CPEB2: variants seen among roughly 807,000 people sequenced by gnomAD.
CPEB2 encodes the protein cytoplasmic polyadenylation element-binding protein 2.
Under a neutral mutation model 93.6 loss-of-function variants are expected in CPEB2, and 56 were observed. The observed-to-expected ratio is 0.60, with a 90% CI of 0.48 to 0.75. The LOEUF is 0.75. Ranked by LOEUF, CPEB2 falls within the 30% of genes least tolerant of loss-of-function variation. The pLI is 0.00. For synonymous variants in CPEB2, 764 were observed against 586.3 expected (o/e 1.30, Z -4.38); for missense variants, 1,579 against 1,395.1 (o/e 1.13, Z -2.10).
rs1722446442 is a variant in CPEB2 at position 15,004,147 on chromosome 4, T to C, written c.1474T>C (p.Phe492Leu). 1.4e-6 allele frequency: 1 copy of C among 689,996 alleles called. No homozygotes were observed. Among genetic ancestry groups the C allele is most frequent in the Non-Finnish European group, 2.2e-6 (1 of 460,754 alleles). 42.7% of individuals were successfully genotyped at this position (689,996 alleles called of 1,614,324 possible). A position where few individuals can be genotyped will look rare whatever the true frequency, so the allele number is the denominator to read the frequency against. The change falls in exon 1 of 12, where the codon TTC (phenylalanine) becomes CTC (leucine). Residue 492 changes from phenylalanine to leucine, a missense_variant. Physicochemically the swap from Phe to Leu is conservative, Grantham distance 22. Around this residue, in one of 2 missense-constraint regions of CPEB2, gnomAD observed 1,411 missense variants for 1,056.0 expected, o/e 1.34. Coordinates refer to ENST00000538197, the MANE Select transcript of CPEB2 (RefSeq NM_001177382.2). ...GGGGGGFGGP[F>L]SATAVPPPPP... ...CGGCGGCGGCGGCTTCGGCGGCCCC[T>C]TCTCGGCTACCGCTGTGCCCCCTCC...
At position 15,003,542 on chromosome 4, in the gene CPEB2, A is replaced by G. The variant is rs1479321704; in HGVS notation, c.869A>G (p.Glu290Gly). The G allele has an allele frequency of 7.6e-6, 11 of 1,449,572 alleles. No individual in the cohort carries two copies. The highest frequency in any genetic ancestry group is 1.0e-5 in the Non-Finnish European group (11 of 1,103,262). The allele number at this position is 1,449,572 out of a possible 1,614,324, so 89.8% of individuals were successfully genotyped here. ...CCTCGCAAGACCCCAGCCGCGGGCG[A>G]GGGCAGCGCCGCCGAGTCCCCCAAT... ...GSPRKTPAAG[E>G]GSAAESPNAG... Residue 290 changes from glutamate to glycine, a missense_variant, in exon 1 of 12, where the codon GAG (glutamate) becomes GGG (glycine). Physicochemically the swap from Glu to Gly is moderately conservative, Grantham distance 98. This residue lies in a region of CPEB2 where 1,411 missense variants were observed against 1,056.0 expected (regional missense o/e 1.34). Transcript: ENST00000538197.
At chr4:15,040,658 G>A (rs1727082612) in intron 6 of CPEB2, among the ~76,000 whole-genome samples, 171 bp downstream of exon 6, 1 of 152,022 alleles carries the variant, frequency 6.6e-6, no homozygotes, top group South Asian at 2.1e-4. Context: ...CCTTTGAACT[G>A]TATTTTTATA....
Position 15,066,641 on chromosome 4 carries a change from A to C in CPEB2, c.*261A>C. 2.2e-6 allele frequency: 1 copy of C among 454,552 alleles called. No homozygotes were observed. The highest frequency in any genetic ancestry group is 3.8e-5 in the East Asian group (1 of 26,014). The allele number at this position is 454,552 out of a possible 1,614,324, so 28.2% of individuals were successfully genotyped here. ...TTTGTATTTTCTCCAAGTTATTTTT[A>C]TATGTAAAGTTAAAATTAGATATGA... On this transcript the variant is annotated 3_prime_UTR_variant, in exon 12 of 12. Coordinates refer to ENST00000538197, the MANE Select transcript of CPEB2 (RefSeq NM_001177382.2).
chr4:15,002,654 C>T lies in CPEB2; in HGVS notation c.-20C>T, dbSNP rs1722100708. ...GCAGGGGACGAGGAGCGTCTCCTCC[C>T]GCTGCCGGCGGCCTGATAAATGAGG... On this transcript the variant is annotated 5_prime_UTR_variant, in exon 1 of 12. Transcript: ENST00000538197. The T allele has an allele frequency of 1.4e-6, 2 of 1,480,122 alleles. No individual in the cohort carries two copies. Among genetic ancestry groups the T allele is most frequent in the East Asian group, 2.6e-5 (1 of 38,576 alleles). The allele number at this position is 1,480,122 out of a possible 1,614,324, so 91.7% of individuals were successfully genotyped here.
rs1456320598 is a variant in CPEB2 at position 15,003,655 on chromosome 4, C to T, written c.982C>T (p.Leu328Phe). 2 of 1,476,072 alleles carry T rather than the reference C, an allele frequency of 1.4e-6. No individual in the cohort carries two copies. Among genetic ancestry groups the T allele is most frequent in the African/African-American group, 1.5e-5 (1 of 68,568 alleles). 91.4% of individuals were successfully genotyped at this position (1,476,072 alleles called of 1,614,324 possible). The change falls in exon 1 of 12, where the codon CTC (leucine) becomes TTC (phenylalanine). Residue 328 changes from leucine (L) to phenylalanine (F), a missense_variant. Around this residue, in one of 2 missense-constraint regions of CPEB2, gnomAD observed 1,411 missense variants for 1,056.0 expected, o/e 1.34. Coordinates refer to ENST00000538197, the MANE Select transcript of CPEB2 (RefSeq NM_001177382.2). ...CCCTCTGCTCAACAGTCCCAGTAAC[C>T]TCCTGCCCGGAGGTGCGCTTGGCGC... ...NHPLLNSPSNLLPGGALGAGA... is the reference protein window; with the variant it reads ...NHPLLNSPSNFLPGGALGAGA...
intron 3 of CPEB2, among the ~76,000 whole-genome samples, chr4:15,011,261 C>T (rs548890807): frequency 1.1e-4 from 17 of 151,822 alleles, no homozygotes; most frequent in African/African-American, 3.6e-4. Flanking sequence ...CCACCATACC[C>T]GCCTAATTTT....
rs781025186 is a variant in CPEB2, at chr4:15,068,291, A to G, written c.*1911A>G. 2.6e-5 allele frequency: 4 copies of G among 152,316 alleles called. No homozygotes were observed. Among genetic ancestry groups the G allele is most frequent in the Non-Finnish European group, 5.9e-5 (4 of 67,884 alleles). 9.4% of individuals were successfully genotyped at this position (152,316 alleles called of 1,614,324 possible). ...GCTGTTTTATTGTGGTTGTGGTTCA[A>G]GTTTTTAATGTTTAAAGTTGATGCT... On this transcript the variant is annotated 3_prime_UTR_variant, in exon 12 of 12. Transcript: ENST00000538197.
intron 11 of CPEB2, among the ~76,000 whole-genome samples, chr4:15,063,261 T>G (rs1180326121): frequency 1.3e-5 from 2 of 151,842 alleles, no homozygotes; most frequent in African/African-American, 2.4e-5. Context: ...TAGTCCTCAA[T>G]GTAATTACCC....
intron 4 of CPEB2, 101 bp downstream of exon 4, chr4:15,017,379 A>G (rs1724292675): frequency 1.9e-6 from 1 of 527,758 alleles, no homozygotes; most frequent in Non-Finnish European, 3.3e-6. Flanking sequence ...ACCTATATCC[A>G]ATATAAAACT....
rs1308701438 is a variant in CPEB2, at chr4:15,066,392, T to C, written c.*12T>C. The C allele has an allele frequency of 1.3e-6, 2 of 1,566,432 alleles. No individual in the cohort carries two copies. Among genetic ancestry groups the C allele is most frequent in the Admixed American group, 1.9e-5 (1 of 53,578 alleles). On this transcript the variant is annotated 3_prime_UTR_variant, in exon 12 of 12. Transcript: ENST00000538197. ...TCCGCTGGAACTAAGAATAGCAAAC[T>C]GGCCTCTGTTTAACAAGGAAAGAAA...
intron 4 of CPEB2, among the ~76,000 whole-genome samples, chr4:15,021,640 C>T (rs900314921): frequency 6.6e-6 from 1 of 151,978 alleles, no homozygotes; most frequent in Non-Finnish European, 1.5e-5. Flanking sequence ...GTTTATGTAA[C>T]GGTTTGGGGG....
chr4:15,038,731 G>A (rs1463560903), intron 5 of CPEB2, among the ~76,000 whole-genome samples: 1 of 152,034 alleles, frequency 6.6e-6, no homozygotes, highest in African/African-American at 2.4e-5. Context: ...TGGGACTACA[G>A]GTGCCTGCCA....
intron 8 of CPEB2, among the ~76,000 whole-genome samples, chr4:15,056,048 G>A (rs1354154128): frequency 6.6e-6 from 1 of 152,130 alleles, no homozygotes; most frequent in Non-Finnish European, 1.5e-5. Flanking sequence ...TTAAACATTT[G>A]TAATTATTTT....
intron 7 of CPEB2, among the ~76,000 whole-genome samples, chr4:15,053,039 T>C (rs1187708966): frequency 6.6e-6 from 1 of 151,448 alleles, no homozygotes; most frequent in Non-Finnish European, 1.5e-5. Flanking sequence ...TTTTTTGAGG[T>C]GGAGTCTCGC....
At position 15,040,648 on chromosome 4, in the gene CPEB2, C is replaced by A. The variant is rs112183564; in HGVS notation, c.2200+161C>A. 3.9e-3 allele frequency among the ~76,000 whole-genome samples: 586 copies of A among 152,206 alleles called. 3 individuals are homozygous for A. Among genetic ancestry groups the A allele is most frequent in the African/African-American group, 0.013 (538 of 41,542 alleles). ...AAGTTTTTAATTTTAAATCTCCTAACCTTTGAACTGTATTTTTATACTAAT... is the reference window on the plus strand; with the variant it reads ...AAGTTTTTAATTTTAAATCTCCTAAACTTTGAACTGTATTTTTATACTAAT... On this transcript the variant is annotated intron_variant, in intron 6 of 11. Coordinates refer to ENST00000538197, the MANE Select transcript of CPEB2 (RefSeq NM_001177382.2).
intron 6 of CPEB2, among the ~76,000 whole-genome samples, chr4:15,050,488 GT>G (rs1229642464): frequency 6.6e-6 from 1 of 152,066 alleles, no homozygotes; most frequent in African/African-American, 2.4e-5. Context: ...TATTCTTACT[GT>G]TTTTCCTTCT....
intron 4 of CPEB2, among the ~76,000 whole-genome samples, chr4:15,029,970 C>CT (rs2109022075): frequency 6.6e-6 from 1 of 152,168 alleles, no homozygotes; most frequent in African/African-American, 2.4e-5. Flanking sequence ...GTACACTTAC[C>CT]TACAAGAAGG....
At chr4:15,056,129 C>T (rs954173599) in intron 8 of CPEB2, among the ~76,000 whole-genome samples, 1 of 152,068 alleles carries the variant, frequency 6.6e-6, no homozygotes, top group Non-Finnish European at 1.5e-5. Flanking sequence ...TTCATATTCT[C>T]AATAATTCAC....
intron 3 of CPEB2, among the ~76,000 whole-genome samples, chr4:15,010,134 G>C (rs1279061146): frequency 6.6e-6 from 1 of 152,112 alleles, no homozygotes; most frequent in Non-Finnish European, 1.5e-5. Flanking sequence ...AAGGAAAGAA[G>C]GCCTGAAACT....
Sources: gnomAD v4.1 joint callset for allele counts (sites outside exome capture counted in the v4.1 genomes callset) on GRCh38, gnomAD v4.1.1 for gene constraint, gnomAD v4.1.1 regional missense constraint, MANE v1.5 for transcripts, NCBI Gene and HGNC (gene_info 2026-07-23, HGNC 2026-07-21) for gene names.